The following HSD11B1 variants were observed in gnomAD, a reference collection of about 807,000 sequenced individuals.
HSD11B1 encodes the protein 11-beta-hydroxysteroid dehydrogenase 1.
In HSD11B1, 15 loss-of-function variants were observed where a neutral mutation model predicts 22.1. That is an observed-to-expected ratio of 0.68 (90% confidence interval 0.45 to 1.04). The LOEUF (loss-of-function observed/expected upper bound fraction) is 1.04. Among genes scored for constraint, HSD11B1 ranks in the 50% least tolerant of loss-of-function variants. HSD11B1 has a pLI of 0.00. For missense variants in HSD11B1, 281 were observed against 357.6 expected (o/e 0.79, Z 1.73); for synonymous variants, 122 against 125.2 (o/e 0.97, Z 0.17).
At chr1:209,704,833 C>T (rs1004621257), upstream of HSD11B1, 11 of 810,538 alleles carry the variant, frequency 1.4e-5, no homozygotes, top group Admixed American at 5.6e-5. Flanking sequence ...CAGCCTCCCC[C>T]GTCCCTGATG....
intron 4 of HSD11B1, among the ~76,000 whole-genome samples, chr1:209,714,814 C>T (rs1178258434): frequency 6.6e-6 from 1 of 152,178 alleles, no homozygotes; most frequent in African/African-American, 2.4e-5. Flanking sequence ...CAGGATGGGA[C>T]AGGTTTGTGT....
rs1376131878 is a variant in HSD11B1 at position 209,722,633 on chromosome 1, T to C, written c.518-9803T>C. Among the ~76,000 whole-genome samples, 6 of 152,322 alleles carry C rather than the reference T, an allele frequency of 3.9e-5. No homozygotes were observed. In the South Asian group the frequency reaches 6.2e-4, roughly 16 times the overall value. On this transcript the variant is annotated intron_variant, in intron 4 of 5. Coordinates refer to ENST00000367027, the MANE Select transcript of HSD11B1 (RefSeq NM_005525.4). ...ACTCAATCCAAACAACTAAAGAGTT[T>C]AGACCATGAGGGTCTCAACTGAGGA...
At chr1:209,712,074 A>G (rs2076901419) in intron 4 of HSD11B1, among the ~76,000 whole-genome samples, 1 of 152,210 alleles carries the variant, frequency 6.6e-6, no homozygotes. Context: ...CATCATTTGT[A>G]TCTTTACGTT....
rs2076849151 is a variant in HSD11B1, at chr1:209,705,173, T to C, written c.88+143T>C. On this transcript the variant is annotated intron_variant, in intron 1 of 5. Transcript: ENST00000367027. ...CCTGAGTTAAGATGGTATTTTTGTG[T>C]CCTCCAGCTACAGGCTGTGGACAGG... 5.4e-6 allele frequency: 4 copies of C among 735,348 alleles called. No homozygotes were observed. The South Asian group carries it at 5.8e-5, about 11-fold the overall frequency. The allele number at this position is 735,348 out of a possible 1,614,324, so 45.6% of individuals were successfully genotyped here. A position where few individuals can be genotyped will look rare whatever the true frequency, so the allele number is the denominator to read the frequency against.
upstream of HSD11B1, among the ~76,000 whole-genome samples, chr1:209,700,523 C>T (rs1237931530): frequency 2.6e-5 from 4 of 152,210 alleles, no homozygotes; most frequent in East Asian, 7.7e-4. Context: ...TCCTAGGCTC[C>T]AGGCCTGTGA....
intron 1 of HSD11B1, among the ~76,000 whole-genome samples, chr1:209,705,388 A>C (rs916384767): frequency 2.0e-5 from 3 of 151,928 alleles, no homozygotes; most frequent in Non-Finnish European, 2.9e-5. Context: ...AAAAAAAAAA[A>C]AAAACTGGAG....
intron 4 of HSD11B1, among the ~76,000 whole-genome samples, chr1:209,708,210 T>A (rs943436326): frequency 6.6e-6 from 1 of 152,204 alleles, no homozygotes; most frequent in Non-Finnish European, 1.5e-5. Flanking sequence ...CACACATCTT[T>A]GTTGATTAGT....
intron 4 of HSD11B1, 52 bp from the exon 5 acceptor site, chr1:209,732,384 A>C: frequency 3.1e-6 from 5 of 1,607,454 alleles, no homozygotes; most frequent in Non-Finnish European, 3.4e-6. Flanking sequence ...CAGCTCTGTA[A>C]GAAGGTGAAA....
chr1:209,696,740 G>A (rs2076793536), intron 1 of HSD11B1, among the ~76,000 whole-genome samples: 1 of 152,212 alleles, frequency 6.6e-6, no homozygotes, highest in African/African-American at 2.4e-5. Flanking sequence ...ATTTGGGGAG[G>A]TTAAAGTGGC....
chr1:209,718,775 C>G (rs940039820), intron 4 of HSD11B1, among the ~76,000 whole-genome samples: 2 of 151,922 alleles, frequency 1.3e-5, no homozygotes, highest in Non-Finnish European at 2.9e-5. Context: ...GTGGCTCATG[C>G]CTGTAATCCC....
intron 4 of HSD11B1, among the ~76,000 whole-genome samples, chr1:209,730,645 T>C (rs992566316): frequency 6.6e-6 from 1 of 152,206 alleles, no homozygotes; most frequent in Non-Finnish European, 1.5e-5. Flanking sequence ...TTTACTATCA[T>C]TTTCCATCTA....
At chr1:209,704,747 A>G, upstream of HSD11B1, 1 of 579,794 alleles carries the variant, frequency 1.7e-6, no homozygotes, top group South Asian at 2.0e-5. Flanking sequence ...ACAGGCTGCC[A>G]GGGACGAATG....
intron 4 of HSD11B1, among the ~76,000 whole-genome samples, chr1:209,726,126 C>T (rs1251737448): frequency 6.6e-6 from 1 of 151,790 alleles, no homozygotes; most frequent in East Asian, 1.9e-4. Context: ...ACTAAAAACA[C>T]AAAAATTAGC....
At chr1:209,731,824 C>T (rs1458549772) in intron 4 of HSD11B1, among the ~76,000 whole-genome samples, 1 of 152,194 alleles carries the variant, frequency 6.6e-6, no homozygotes, top group East Asian at 1.9e-4. Context: ...AAGCGATTCA[C>T]CTGCCTCAGC....
At chr1:209,721,965 A>G (rs2076969736) in intron 4 of HSD11B1, among the ~76,000 whole-genome samples, 1 of 152,216 alleles carries the variant, frequency 6.6e-6, no homozygotes, top group Non-Finnish European at 1.5e-5. Context: ...CATATGGCTT[A>G]AGTGGAAAGG....
intron 1 of HSD11B1, among the ~76,000 whole-genome samples, chr1:209,691,574 T>C (rs2076759962): frequency 6.6e-6 from 1 of 152,184 alleles, no homozygotes; most frequent in South Asian, 2.1e-4. Context: ...TGTCAGAGGG[T>C]TTGAAGGACC....
intron 4 of HSD11B1, among the ~76,000 whole-genome samples, chr1:209,726,864 C>T (rs373723263): frequency 1.8e-3 from 269 of 152,266 alleles, no homozygotes; most frequent in Non-Finnish European, 3.1e-3. Context: ...ACTATGGCTT[C>T]GCAGGATATC....
chr1:209,694,234 A>G (rs1339789198), intron 1 of HSD11B1, among the ~76,000 whole-genome samples: 4 of 152,200 alleles, frequency 2.6e-5, no homozygotes, highest in Non-Finnish European at 5.9e-5. Flanking sequence ...ATCTGGATGT[A>G]TAAGAATCAG....
Position 209,732,524 on chromosome 1 carries a change from A to G in HSD11B1, c.606A>G (p.Ser202=), listed in dbSNP as rs1324358864. The change falls in exon 5 of 6, where the codon TCA becomes TCG. Residue 202 remains serine (S), a synonymous_variant. Coordinates refer to ENST00000367027, the MANE Select transcript of HSD11B1 (RefSeq NM_005525.4). ...TCTCCTCCATCAGAAAGGAATATTCAGTGTCCAGGGTCAATGTATCAATCA... is the reference window on the plus strand; with the variant it reads ...TCTCCTCCATCAGAAAGGAATATTCGGTGTCCAGGGTCAATGTATCAATCA... ...GFFSSIRKEY[S]VSRVNVSITL... 6.2e-7 allele frequency: 1 copy of G among 1,613,960 alleles called. No individual in the cohort carries two copies.
Sources: gnomAD v4.1 joint callset for allele counts (sites outside exome capture counted in the v4.1 genomes callset) on GRCh38, gnomAD v4.1.1 for gene constraint, MANE v1.5 for transcripts, NCBI Gene and HGNC (gene_info 2026-07-23, HGNC 2026-07-21) for gene names.